The following HAS3 variants were observed in gnomAD, a reference collection of about 807,000 sequenced individuals.
HAS3 encodes the protein HA synthase 3.
HAS3 carries 27 observed loss-of-function variants against 50.3 expected under a neutral mutation model. The observed-to-expected ratio is 0.54, with a 90% CI of 0.40 to 0.74. The LOEUF is 0.74. HAS3 is among the 30% of genes least tolerant of loss of function. The pLI is 0.00. For missense variants in HAS3, 517 were observed against 742.8 expected, an observed-to-expected ratio of 0.70 and a Z score of 3.53; for synonymous variants, 339 against 310.9, an observed-to-expected ratio of 1.09 and a Z score of -0.95.
rs377064264 is a variant in HAS3, at chr16:69,117,141, C to T, written c.*1875C>T. 15 of 985,796 alleles carry T rather than the reference C, an allele frequency of 1.5e-5. No individual in the cohort carries two copies. In the East Asian group the frequency reaches 1.0e-3, roughly 67 times the overall value. The allele number at this position is 985,796 out of a possible 1,614,324, so 61.1% of individuals were successfully genotyped here. ...TGCTAAGGCAGCTGATCCAGGCAAT[C>T]GTTCTGCTGGCCAAGAAGTTAAACT... On this transcript the variant is annotated 3_prime_UTR_variant, in exon 4 of 4. Coordinates refer to ENST00000569188, the MANE Select transcript of HAS3 (RefSeq NM_001199280.2).
chr16:69,088,266 A>G, the HAS3 span, among the ~76,000 whole-genome samples: 1 of 152,114 alleles, frequency 6.6e-6, no homozygotes, highest in Non-Finnish European at 1.5e-5. Context: ...TAAGATAAAC[A>G]ATGTCAAGTG....
At position 69,107,609 on chromosome 16, in the gene HAS3, G is replaced by T; in HGVS notation, c.1-1787G>T. The T allele has an allele frequency of 2.0e-6, 2 of 985,520 alleles. No homozygotes were observed. 61.0% of individuals were successfully genotyped at this position (985,520 alleles called of 1,614,324 possible). A position where few individuals can be genotyped will look rare whatever the true frequency, so the allele number is the denominator to read the frequency against. The stretch of plus-strand genomic sequence containing the variant: ...CACTGCACCGAGGCGGGGCGCCAGC[G>T]CCCAGGTTGCTGGGCTGGCCTTGGC... On this transcript the variant is annotated intron_variant, in intron 1 of 3. Coordinates refer to ENST00000569188, the MANE Select transcript of HAS3 (RefSeq NM_001199280.2). This position sits in a 1 kb window ranked among gnomAD's most constrained non-coding sequence, Gnocchi z 5.5.
chr16:69,096,534 C>CAAAAAAA, the HAS3 span, among the ~76,000 whole-genome samples: 5 of 35,320 alleles, frequency 1.4e-4, no homozygotes, highest in Non-Finnish European at 1.4e-4. Context: ...GACTCTGTCT[C>CAAAAAAA]AAAAAAAAAA....
chr16:69,092,796 G>A, the HAS3 span, among the ~76,000 whole-genome samples: 1 of 151,914 alleles, frequency 6.6e-6, no homozygotes, highest in Non-Finnish European at 1.5e-5. Context: ...GGAGTTTGAG[G>A]CCAGCCTGGG....
At chr16:69,113,645 G>C (rs897583492) in intron 3 of HAS3, 103 bp downstream of exon 3, 6 of 700,406 alleles carry the variant, frequency 8.6e-6, no homozygotes, top group East Asian at 2.7e-5. Context: ...CTAGTATTGG[G>C]GGGAGGTTCC....
At chr16:69,083,717 C>T in the HAS3 span, 2 of 1,509,890 alleles carry the variant, frequency 1.3e-6, no homozygotes, top group African/African-American at 2.8e-5. Context: ...AGAGCCGTGC[C>T]CAGGTCTTCC....
intron 2 of HAS3, among the ~76,000 whole-genome samples, chr16:69,112,045 A>C (rs12445218): frequency 0.072 from 10,951 of 152,260 alleles, 593 homozygotes; most frequent in Admixed American, 0.15. Context: ...CTGCGGAGGT[A>C]TCTCTCCCTC....
At chr16:69,099,819 T>C in the HAS3 span, among the ~76,000 whole-genome samples, 1 of 136,406 alleles carries the variant, frequency 7.3e-6, no homozygotes, top group Non-Finnish European at 1.5e-5. Context: ...GCCTTCTGGG[T>C]TTTTTTTTTT....
upstream of HAS3, among the ~76,000 whole-genome samples, chr16:69,103,949 T>G (rs930173835): frequency 6.6e-6 from 1 of 152,202 alleles, no homozygotes; most frequent in East Asian, 1.9e-4. Context: ...ACCTAAGGCT[T>G]CTTCTCCATC....
chr16:69,109,461 G>A lies in HAS3; in HGVS notation c.66G>A (p.Leu22=). 1.9e-6 allele frequency: 3 copies of A among 1,613,610 alleles called. No individual in the cohort carries two copies. The highest frequency in any genetic ancestry group is 1.7e-6 in the Non-Finnish European group (2 of 1,180,008). Residue 22 remains leucine (L), a synonymous_variant, in exon 2 of 4, where the codon CTG becomes CTA. Coordinates refer to ENST00000569188, the MANE Select transcript of HAS3 (RefSeq NM_001199280.2). The surrounding 1 kb of genome is among the most constrained non-coding windows in gnomAD (Gnocchi z 5.3). ...VGTSLFALAV[L]GGILAAYVTG... Reference sequence around the variant, plus strand: ...CCAGCCTGTTTGCCCTGGCAGTGCTGGGTGGCATCCTGGCAGCCTATGTGA... The same window carrying A: ...CCAGCCTGTTTGCCCTGGCAGTGCTAGGTGGCATCCTGGCAGCCTATGTGA...
At chr16:69,110,330 A>C (rs1270682066) in intron 2 of HAS3, among the ~76,000 whole-genome samples, 1 of 152,226 alleles carries the variant, frequency 6.6e-6, no homozygotes, top group Non-Finnish European at 1.5e-5. Flanking sequence ...AGGCGCCTGT[A>C]GTCCCAGCTA....
chr16:69,104,057 C>T (rs1229613576), upstream of HAS3, among the ~76,000 whole-genome samples: 1 of 152,120 alleles, frequency 6.6e-6, no homozygotes. Context: ...ATAGGACTAG[C>T]TCCTAGGGAG....
chr16:69,117,733 G>GAA, downstream of HAS3: 5 of 768,438 alleles, frequency 6.5e-6, no homozygotes, highest in Non-Finnish European at 7.9e-6. Flanking sequence ...ACTTAAAATA[G>GAA]AAAGTTTAGT....
intron 2 of HAS3, among the ~76,000 whole-genome samples, chr16:69,112,391 C>T (rs1426533271): frequency 6.6e-6 from 1 of 152,192 alleles, no homozygotes; most frequent in Non-Finnish European, 1.5e-5. Context: ...GGTGCTGATG[C>T]TGTTCTGATT....
At chr16:69,087,498 ACT>A in the HAS3 span, among the ~76,000 whole-genome samples, 40 of 149,938 alleles carry the variant, frequency 2.7e-4, no homozygotes, top group African/African-American at 8.8e-4. Context: ...ATCTCTCCAC[ACT>A]CATAATTTCC....
the HAS3 span, among the ~76,000 whole-genome samples, chr16:69,096,331 G>C: frequency 6.6e-6 from 1 of 151,480 alleles, no homozygotes; most frequent in African/African-American, 2.4e-5. Flanking sequence ...AGGAGTTTGA[G>C]ACCAGTCTGG....
chr16:69,117,680 T>C (rs181784123), downstream of HAS3: 1 of 967,418 alleles, frequency 1.0e-6, no homozygotes, highest in African/African-American at 1.8e-5. Flanking sequence ...TACTACTTTG[T>C]ATTTAATGAA....
intron 2 of HAS3, among the ~76,000 whole-genome samples, chr16:69,112,912 G>C (rs1961057378): frequency 6.6e-6 from 1 of 152,198 alleles, no homozygotes; most frequent in Non-Finnish European, 1.5e-5. Flanking sequence ...AGTCTGTTGA[G>C]GGCGCAGAGG....
In HAS3 at chr16:69,109,013, C is replaced by T. The variant is rs1435176721; in HGVS notation, c.1-383C>T. On this transcript the variant is annotated intron_variant, in intron 1 of 3. Transcript: ENST00000569188. This position sits in a 1 kb window ranked among gnomAD's most constrained non-coding sequence, Gnocchi z 5.3. ...AGGCTCACCCCCTTGAAGCTTACCTCTTCAGCGCTTTGGGCCAGGTAGAGC... is the reference window on the plus strand; with the variant it reads ...AGGCTCACCCCCTTGAAGCTTACCTTTTCAGCGCTTTGGGCCAGGTAGAGC... 1.3e-5 allele frequency among the ~76,000 whole-genome samples: 2 copies of T among 152,212 alleles called. No individual in the cohort carries two copies. Among genetic ancestry groups the T allele is most frequent in the Non-Finnish European group, 2.9e-5 (2 of 68,040 alleles).
Sources: allele counts gnomAD v4.1 joint callset (sites outside exome capture counted in the v4.1 genomes callset), GRCh38; gene constraint gnomAD v4.1.1; non-coding constraint Gnocchi (gnomAD v3.1); transcripts MANE v1.5; gene names NCBI Gene and HGNC (gene_info 2026-07-23, HGNC 2026-07-21).